The following PTK2 variants were observed in gnomAD, a reference collection of about 807,000 sequenced individuals.
PTK2 encodes focal adhesion kinase 1.
PTK2 carries 45 observed loss-of-function variants against 150.1 expected under a neutral mutation model. The ratio of observed to expected loss-of-function variants is 0.30; its 90% CI spans 0.24 to 0.38. The LOEUF (loss-of-function observed/expected upper bound fraction) is 0.38, where lower values mean the gene tolerates loss of function less well. Ranked by LOEUF, PTK2 falls within the 10% of genes least tolerant of loss-of-function variation. The pLI, the probability that PTK2 is intolerant of heterozygous loss-of-function variation, is 1.00. For synonymous variants in PTK2, 432 were observed against 449.2 expected (o/e 0.96, Z 0.48); for missense variants, 919 against 1,307.3 (o/e 0.70, Z 4.58).
At chr8:140,660,794 T>A (rs1428120342) in intron 31 of PTK2, 2 of 329,360 alleles carry the variant, frequency 6.1e-6, no homozygotes, top group Non-Finnish European at 1.2e-5. Context: ...CACAAAATGC[T>A]GTCCTACAGG....
chr8:140,893,526 G>A (rs2100154921), intron 2 of PTK2, among the ~76,000 whole-genome samples: 2 of 152,100 alleles, frequency 1.3e-5, no homozygotes, highest in Admixed American at 6.5e-5. Context: ...TATACTACAA[G>A]GAAACCAGAC....
intron 3 of PTK2, among the ~76,000 whole-genome samples, chr8:140,890,009 G>A (rs1445125953): frequency 6.6e-6 from 1 of 152,108 alleles, no homozygotes; most frequent in Non-Finnish European, 1.5e-5. Context: ...CTTCTACACT[G>A]TACTATAATC....
chr8:140,952,209 G>A lies in PTK2; in HGVS notation c.-121-26460C>T, dbSNP rs915459508. On this transcript the variant is annotated intron_variant, in intron 1 of 31. Transcript: ENST00000522684. The stretch of plus-strand genomic sequence containing the variant: ...TCAGCATTTAGTGCAAGTTAACTGC[G>A]GGTTAAGCAGAGATGAAATAACAAA... Among the ~76,000 whole-genome samples the A allele has an allele frequency of 3.3e-5, 5 of 152,278 alleles. No individual in the cohort carries two copies. In the South Asian group the frequency reaches 6.2e-4, roughly 19 times the overall value.
intron 11 of PTK2, among the ~76,000 whole-genome samples, chr8:140,802,718 G>T (rs1381660492): frequency 1.3e-5 from 2 of 151,982 alleles, no homozygotes; most frequent in African/African-American, 2.4e-5. Flanking sequence ...CCTTTTCTAT[G>T]TTTACATATA....
chr8:140,909,848 T>G (rs1191520368), intron 2 of PTK2, among the ~76,000 whole-genome samples: 1 of 152,188 alleles, frequency 6.6e-6, no homozygotes, highest in Non-Finnish European at 1.5e-5. Flanking sequence ...TTACCCCTCA[T>G]ATCTTTATGA....
At chr8:140,754,370 T>TCTTCC (rs2100064483) in intron 16 of PTK2, among the ~76,000 whole-genome samples, 1 of 152,236 alleles carries the variant, frequency 6.6e-6, no homozygotes, top group African/African-American at 2.4e-5. Flanking sequence ...GTCAGTCTTG[T>TCTTCC]CTTCCTTAAT....
At chr8:140,967,513 T>C (rs2100185736) in intron 1 of PTK2, among the ~76,000 whole-genome samples, 4 of 148,462 alleles carry the variant, frequency 2.7e-5, no homozygotes, top group Non-Finnish European at 4.4e-5. Context: ...CAGGCTGGAG[T>C]GCAGCGGTGC....
rs186578534 is a variant in PTK2 at position 140,932,626 on chromosome 8, T to C, written c.-121-6877A>G. Among the ~76,000 whole-genome samples the C allele has an allele frequency of 2.0e-4, 31 of 152,348 alleles. 1 individual carries two copies. The highest frequency in any genetic ancestry group is 4.0e-4 in the Non-Finnish European group (27 of 68,034). ...CCAGCAAACTCTTGAATTCATAAAA[T>C]GTCTGAATTTCAAAGGAAGCATGCC... On this transcript the variant is annotated intron_variant, in intron 1 of 31. Transcript: ENST00000522684.
At chr8:140,956,377 TCA>T (rs1254039521) in intron 1 of PTK2, among the ~76,000 whole-genome samples, 6 of 152,238 alleles carry the variant, frequency 3.9e-5, no homozygotes, top group African/African-American at 1.4e-4. Context: ...AATACATTAC[TCA>T]CGCGTTTTAG....
chr8:140,914,210 T>C (rs1398202073), intron 2 of PTK2, among the ~76,000 whole-genome samples: 1 of 152,176 alleles, frequency 6.6e-6, no homozygotes, highest in Non-Finnish European at 1.5e-5. Context: ...ATGCAAATAA[T>C]GTTCAAATGC....
intron 22 of PTK2, among the ~76,000 whole-genome samples, chr8:140,731,566 T>C (rs1367657015): frequency 6.6e-6 from 1 of 152,100 alleles, no homozygotes; most frequent in Non-Finnish European, 1.5e-5. Flanking sequence ...ACATGTTCCA[T>C]ACCAAAAATC....
At chr8:140,757,843 G>A (rs2100066772) in intron 16 of PTK2, among the ~76,000 whole-genome samples, 1 of 152,138 alleles carries the variant, frequency 6.6e-6, no homozygotes, top group Non-Finnish European at 1.5e-5. Flanking sequence ...TTATAAAGAA[G>A]CTGAAAAATT....
At chr8:140,888,867 G>A (rs376777648) in intron 3 of PTK2, among the ~76,000 whole-genome samples, 2 of 152,274 alleles carry the variant, frequency 1.3e-5, no homozygotes, top group African/African-American at 4.8e-5. Context: ...TTTTATTGGA[G>A]AGTTTCCTCA....
chr8:140,728,871 T>G (rs1268331891), intron 22 of PTK2, among the ~76,000 whole-genome samples: 1 of 152,154 alleles, frequency 6.6e-6, no homozygotes, highest in Non-Finnish European at 1.5e-5. Context: ...GATCCTGCTC[T>G]TACAAGGGAG....
intron 10 of PTK2, among the ~76,000 whole-genome samples, chr8:140,806,381 C>A (rs145630737): frequency 6.6e-6 from 1 of 152,252 alleles, no homozygotes; most frequent in African/African-American, 2.4e-5. Flanking sequence ...GCATCTGTAG[C>A]TACTGCATGC....
chr8:140,926,679 C>T (rs2154608409), intron 1 of PTK2, among the ~76,000 whole-genome samples: 1 of 152,154 alleles, frequency 6.6e-6, no homozygotes, highest in South Asian at 2.1e-4. Context: ...TCAAAGTCAC[C>T]AGAAAATAAC....
intron 2 of PTK2, among the ~76,000 whole-genome samples, chr8:140,907,184 G>A (rs1028636601): frequency 1.3e-5 from 2 of 152,106 alleles, no homozygotes; most frequent in African/African-American, 2.4e-5. Flanking sequence ...ATCTTGTGCT[G>A]GTTCAACCTA....
chr8:140,984,161 TCAAAAAAAAA>T (rs1377516975), intron 1 of PTK2: 1 of 145,280 alleles, frequency 6.9e-6, no homozygotes, highest in Non-Finnish European at 1.5e-5. Flanking sequence ...AGACTCTGTC[TCAAAAAAAAA>T]CAAAAAAAAA....
At chr8:140,806,242 G>A (rs980585046) in intron 10 of PTK2, among the ~76,000 whole-genome samples, 3 of 152,190 alleles carry the variant, frequency 2.0e-5, no homozygotes, top group Non-Finnish European at 2.9e-5. Context: ...CGTAATGCAA[G>A]GGAATCCTAT....
Sources: allele counts gnomAD v4.1 joint callset (sites outside exome capture counted in the v4.1 genomes callset), GRCh38; gene constraint gnomAD v4.1.1; transcripts MANE v1.5; gene names NCBI Gene and HGNC (gene_info 2026-07-23, HGNC 2026-07-21).